UMAD1: variants seen among roughly 807,000 people sequenced by gnomAD.
UMAD1 encodes UBAP1-MVB12-associated (UMA)-domain containing protein 1.
A neutral mutation model predicts 6.1 loss-of-function variants in UMAD1; 8 were observed. The ratio of observed to expected loss-of-function variants is 1.30; its 90% CI spans 0.76 to 2.35. The LOEUF is 2.35. UMAD1 is among the 30% of genes most tolerant of loss of function. UMAD1 has a pLI of 0.00. For missense variants in UMAD1, 130 were observed against 78.4 expected (o/e 1.66, Z -2.49); for synonymous variants, 56 against 31.4 (o/e 1.78, Z -2.61).
chr7:7,752,768 T>C (rs1781702539), intron 2 of UMAD1, among the ~76,000 whole-genome samples: 1 of 152,078 alleles, frequency 6.6e-6, no homozygotes, highest in Non-Finnish European at 1.5e-5. Flanking sequence ...TAAATAAAAA[T>C]AAGATGGTAT....
At chr7:7,768,824 T>C (rs368661797) in intron 2 of UMAD1, among the ~76,000 whole-genome samples, 2 of 152,232 alleles carry the variant, frequency 1.3e-5, no homozygotes, top group African/African-American at 4.8e-5. Flanking sequence ...GTACTTTCTC[T>C]TCTTCCCCAG....
chr7:7,734,035 G>A (rs1171098373), intron 2 of UMAD1, among the ~76,000 whole-genome samples: 3 of 151,926 alleles, frequency 2.0e-5, no homozygotes, highest in Non-Finnish European at 4.4e-5. Context: ...TTAATTACAA[G>A]GTATGTATAA....
chr7:7,732,360 A>G (rs1452235944), intron 2 of UMAD1, among the ~76,000 whole-genome samples: 1 of 152,172 alleles, frequency 6.6e-6, no homozygotes, highest in African/African-American at 2.4e-5. Flanking sequence ...AACATTTTCT[A>G]ATGAGTTGCT....
chr7:7,800,924 C>G (rs1782786052), intron 2 of UMAD1, among the ~76,000 whole-genome samples: 1 of 152,186 alleles, frequency 6.6e-6, no homozygotes, highest in Non-Finnish European at 1.5e-5. Flanking sequence ...AAATTAGCGT[C>G]TGATTATGCT....
intron 2 of UMAD1, among the ~76,000 whole-genome samples, chr7:7,720,437 C>T (rs1280067769): frequency 2.6e-5 from 4 of 151,946 alleles, no homozygotes; most frequent in Non-Finnish European, 5.9e-5. Context: ...AATCATTTCC[C>T]CCCCTAACTT....
At chr7:7,646,418 C>T (rs912747572) in intron 1 of UMAD1, among the ~76,000 whole-genome samples, 1 of 148,662 alleles carries the variant, frequency 6.7e-6, no homozygotes, top group Non-Finnish European at 1.5e-5. Flanking sequence ...ATACTGTTCT[C>T]GTGGTAGTGA....
Position 7,736,764 on chromosome 7 carries a change from C to T in UMAD1, c.82+63311C>T, listed in dbSNP as rs1781368186. On this transcript the variant is annotated intron_variant, in intron 2 of 3. Transcript: ENST00000682710. ...ATAAGAAGCAACAGACTCATTGGTC[C>T]ATGTTGAGATGGGAGTCACTGTATC... The T allele has an allele frequency of 2.0e-5, 3 of 152,186 alleles. No individual in the cohort carries two copies. In the South Asian group the frequency reaches 6.2e-4, roughly 32 times the overall value. The allele number at this position is 152,186 out of a possible 1,614,324, so 9.4% of individuals were successfully genotyped here. A position where few individuals can be genotyped will look rare whatever the true frequency, so the allele number is the denominator to read the frequency against.
At chr7:7,850,072 A>G (rs1783882482) in intron 3 of UMAD1, among the ~76,000 whole-genome samples, 2 of 152,196 alleles carry the variant, frequency 1.3e-5, no homozygotes, top group Admixed American at 1.3e-4. Context: ...CAACTACTCT[A>G]GAGACCAATT....
chr7:7,698,609 C>G (rs1477334296), intron 2 of UMAD1, among the ~76,000 whole-genome samples: 2 of 151,798 alleles, frequency 1.3e-5, no homozygotes, highest in African/African-American at 4.8e-5. Flanking sequence ...GCAGTTGATT[C>G]CACAGTTTTG....
At chr7:7,731,448 AAAAAGG>A (rs67132863) in intron 2 of UMAD1, among the ~76,000 whole-genome samples, 15,482 of 146,248 alleles carry the variant, frequency 0.11, 1,013 homozygotes, top group African/African-American at 0.16. Flanking sequence ...AGTGAGGAAG[AAAAAGG>A]AAAAGGAAAA....
intron 3 of UMAD1, among the ~76,000 whole-genome samples, chr7:7,861,699 G>T (rs1294817894): frequency 6.6e-6 from 1 of 152,090 alleles, no homozygotes; most frequent in East Asian, 1.9e-4. Context: ...CAAGTATGTG[G>T]ATTACTCTAT....
At chr7:7,855,299 C>A (rs1437349026) in intron 3 of UMAD1, among the ~76,000 whole-genome samples, 1 of 152,254 alleles carries the variant, frequency 6.6e-6, no homozygotes, top group Non-Finnish European at 1.5e-5. Flanking sequence ...CATTTCCCTT[C>A]TGCACTGCCC....
intron 2 of UMAD1, chr7:7,676,175 C>T (rs1244163726): frequency 1.0e-5 from 4 of 398,522 alleles, no homozygotes; most frequent in East Asian, 3.6e-5. Flanking sequence ...GGGTTGGCTT[C>T]GTGGCTCCAC....
At chr7:7,665,611 G>A (rs58764359) in intron 1 of UMAD1, among the ~76,000 whole-genome samples, 3,420 of 152,208 alleles carry the variant, frequency 0.022, 138 homozygotes, top group African/African-American at 0.079. Context: ...AACAGTCACT[G>A]CTGTCAAGAT....
chr7:7,667,754 T>C (rs918710793), intron 1 of UMAD1, among the ~76,000 whole-genome samples: 4 of 152,146 alleles, frequency 2.6e-5, no homozygotes, highest in African/African-American at 9.7e-5. Context: ...TTGAGAAATA[T>C]TATATTAAAG....
chr7:7,693,415 C>T (rs1780228422), intron 2 of UMAD1, among the ~76,000 whole-genome samples: 1 of 151,952 alleles, frequency 6.6e-6, no homozygotes, highest in Admixed American at 6.6e-5. Context: ...TCTGCAATAG[C>T]TTAGTAATGT....
intron 3 of UMAD1, among the ~76,000 whole-genome samples, chr7:7,826,551 T>C (rs1383795386): frequency 1.3e-5 from 2 of 152,132 alleles, no homozygotes; most frequent in Non-Finnish European, 2.9e-5. Context: ...AATAGAAAAA[T>C]GGTTCTTGAT....
intron 2 of UMAD1, among the ~76,000 whole-genome samples, chr7:7,686,912 C>T (rs1780054406): frequency 6.6e-6 from 1 of 152,160 alleles, no homozygotes; most frequent in Non-Finnish European, 1.5e-5. Flanking sequence ...CTTCCCTTAT[C>T]CTGGAATGTG....
Position 7,640,789 on chromosome 7 carries a change from T to A in UMAD1, c.-96T>A, listed in dbSNP as rs1255752523. 6 of 213,228 alleles carry A rather than the reference T, an allele frequency of 2.8e-5. No homozygotes were observed. Among genetic ancestry groups the A allele is most frequent in the Admixed American group, 5.9e-5 (1 of 16,922 alleles). The allele number at this position is 213,228 out of a possible 1,614,324, so 13.2% of individuals were successfully genotyped here. ...GAAGTGGGGTGTGAAGCTCCGGTGC[T>A]GGTGCGGCGGGGGACTGCGGGGCCA... On this transcript the variant is annotated 5_prime_UTR_variant, in exon 1 of 4. Transcript: ENST00000682710.
Sources: allele counts gnomAD v4.1 joint callset (sites outside exome capture counted in the v4.1 genomes callset), GRCh38; gene constraint gnomAD v4.1.1; transcripts MANE v1.5; gene names NCBI Gene and HGNC (gene_info 2026-07-23, HGNC 2026-07-21).